The following MITF variants were observed in gnomAD, a reference collection of about 807,000 sequenced individuals.
MITF encodes melanocyte inducing transcription factor, also known as microphthalmia-associated transcription factor.
In MITF, 17 loss-of-function variants were observed where a neutral mutation model predicts 60.5. The observed-to-expected ratio is 0.28, with a 90% confidence interval of 0.19 to 0.42. The LOEUF (loss-of-function observed/expected upper bound fraction) is 0.42. MITF is among the 10% of genes least tolerant of loss of function. MITF has a pLI of 1.00. For synonymous variants in MITF, 260 were observed against 248.5 expected (o/e 1.05, Z -0.43); for missense variants, 622 against 683.5 (o/e 0.91, Z 1.00).
chr3:69,958,548 T>G (rs910611744), intron 8 of MITF, among the ~76,000 whole-genome samples: 3 of 151,532 alleles, frequency 2.0e-5, no homozygotes, highest in Non-Finnish European at 2.9e-5. Flanking sequence ...AGAGGCTAGA[T>G]AGCCTGCCCA....
At chr3:69,773,199 C>T (rs1478148940) in intron 1 of MITF, among the ~76,000 whole-genome samples, 1 of 152,154 alleles carries the variant, frequency 6.6e-6, no homozygotes, top group Admixed American at 6.6e-5. Context: ...GAGTCTACTT[C>T]AGTAACAGCA....
chr3:69,783,650 A>G (rs1333523556), intron 1 of MITF, among the ~76,000 whole-genome samples: 3 of 152,082 alleles, frequency 2.0e-5, no homozygotes, highest in African/African-American at 7.2e-5. Flanking sequence ...ACTTTATTAT[A>G]CTTATTTGCA....
intron 1 of MITF, among the ~76,000 whole-genome samples, chr3:69,815,494 T>C (rs138207822): frequency 2.0e-5 from 3 of 152,326 alleles, no homozygotes; most frequent in African/African-American, 7.2e-5. Context: ...GATTAGTAAA[T>C]ATCTTTTCTT....
chr3:69,752,708 A>T (rs1703978924), intron 1 of MITF, among the ~76,000 whole-genome samples: 2 of 152,138 alleles, frequency 1.3e-5, no homozygotes. Context: ...AAGTTTGGAA[A>T]ATTTGCAGCC....
intron 1 of MITF, among the ~76,000 whole-genome samples, chr3:69,815,682 T>C (rs2063170657): frequency 6.6e-6 from 1 of 152,180 alleles, no homozygotes; most frequent in South Asian, 2.1e-4. Flanking sequence ...AGTCAAAAGT[T>C]ATATGTGGAT....
At chr3:69,960,658 A>G (rs1453113295) in intron 9 of MITF, among the ~76,000 whole-genome samples, 1 of 152,212 alleles carries the variant, frequency 6.6e-6, no homozygotes, top group Non-Finnish European at 1.5e-5. Context: ...TTTGCCATAA[A>G]GCAAGGGTTG....
At chr3:69,789,929 A>C (rs1382880081) in intron 1 of MITF, among the ~76,000 whole-genome samples, 4 of 152,134 alleles carry the variant, frequency 2.6e-5, no homozygotes, top group South Asian at 2.1e-4. Context: ...ATATATATAT[A>C]TCCAAAAGAA....
chr3:69,909,544 C>G (rs139960137), intron 2 of MITF, among the ~76,000 whole-genome samples: 2,343 of 152,210 alleles, frequency 0.015, 28 homozygotes, highest in Middle Eastern at 0.051. Flanking sequence ...ACCTCCAAGA[C>G]ACTTGTTGAA....
At chr3:69,776,589 G>A (rs992058984) in intron 1 of MITF, among the ~76,000 whole-genome samples, 5 of 152,148 alleles carry the variant, frequency 3.3e-5, no homozygotes, top group African/African-American at 7.2e-5. Flanking sequence ...CTATATATAC[G>A]TTTGTTGCGA....
chr3:69,838,092 A>G (rs917765472), intron 1 of MITF, among the ~76,000 whole-genome samples: 32 of 152,366 alleles, frequency 2.1e-4, no homozygotes, highest in African/African-American at 7.2e-4. Flanking sequence ...AATTATTATT[A>G]TAAAAAACAA....
intron 1 of MITF, among the ~76,000 whole-genome samples, chr3:69,762,310 TCTTA>T (rs2062223360): frequency 6.6e-6 from 1 of 152,182 alleles, no homozygotes; most frequent in Admixed American, 6.5e-5. Flanking sequence ...GTAAAAGCAT[TCTTA>T]CTTTTAATTA....
At chr3:69,740,607 C>G (rs1448369855) in intron 1 of MITF, among the ~76,000 whole-genome samples, 1 of 152,192 alleles carries the variant, frequency 6.6e-6, no homozygotes, top group African/African-American at 2.4e-5. Context: ...GTCTTCCGTT[C>G]TCTCTGTCCG....
chr3:69,779,302 A>T (rs566538971), intron 1 of MITF, among the ~76,000 whole-genome samples: 1 of 152,306 alleles, frequency 6.6e-6, no homozygotes, highest in African/African-American at 2.4e-5. Flanking sequence ...AGAGCAGGAG[A>T]CAGTCTTTAC....
In MITF at chr3:69,866,543, T is replaced by G. The variant is rs796904702; in HGVS notation, c.105-12591T>G. 8.8e-3 allele frequency among the ~76,000 whole-genome samples: 60 copies of G among 6,806 alleles called. No homozygotes were observed. In the South Asian group the frequency reaches 0.11, roughly 12 times the overall value. The allele number at this position is 6,806 out of a possible 152,430, so 4.5% of individuals were successfully genotyped here. A position where few individuals can be genotyped will look rare whatever the true frequency, so the allele number is the denominator to read the frequency against. The stretch of plus-strand genomic sequence containing the variant: ...GCTATGACAAGGATAACAACTAATT[T>G]GGGGGTGGGGGTGGGGGTGGTAGAT... On this transcript the variant is annotated intron_variant, in intron 1 of 9. Coordinates refer to ENST00000352241, the MANE Select transcript of MITF (RefSeq NM_001354604.2).
rs1441188875 is a variant in MITF, at chr3:69,943,076, T to TTA, written c.762+1746_762+1747insAT. Among the ~76,000 whole-genome samples the TTA allele has an allele frequency of 1.8e-3, 271 of 150,356 alleles. 2 individuals carry two copies. Among genetic ancestry groups the TTA allele is most frequent in the African/African-American group, 6.3e-3 (261 of 41,114 alleles). On this transcript the variant is annotated intron_variant, in intron 5 of 9. Coordinates refer to ENST00000352241, the MANE Select transcript of MITF (RefSeq NM_001354604.2). The stretch of plus-strand genomic sequence containing the variant: ...TACTCAATGCATTAGCCTCCTCTTT[T>TTA]TTTTTTTTTTTTTTTTTGATACAGG...
intron 1 of MITF, among the ~76,000 whole-genome samples, chr3:69,754,698 A>G (rs1427103374): frequency 6.6e-6 from 1 of 151,642 alleles, no homozygotes; most frequent in East Asian, 1.9e-4. Flanking sequence ...ATGGACTAAT[A>G]CAGAGGCTAA....
At chr3:69,865,230 T>G (rs2064089846) in intron 1 of MITF, among the ~76,000 whole-genome samples, 1 of 152,206 alleles carries the variant, frequency 6.6e-6, no homozygotes, top group Non-Finnish European at 1.5e-5. Flanking sequence ...TGAGTTTGAT[T>G]ATGGCTGAAG....
chr3:69,822,133 A>G (rs2063285552), intron 1 of MITF, among the ~76,000 whole-genome samples: 1 of 152,228 alleles, frequency 6.6e-6, no homozygotes, highest in Admixed American at 6.5e-5. Context: ...ACAAAGGTCT[A>G]CAAACTATAA....
In MITF at chr3:69,859,273, G is replaced by A. The variant is rs1031762358; in HGVS notation, c.105-19861G>A. Among the ~76,000 whole-genome samples the A allele has an allele frequency of 2.6e-5, 4 of 152,130 alleles. No individual in the cohort carries two copies. In the South Asian group the frequency reaches 8.3e-4, roughly 32 times the overall value. On this transcript the variant is annotated intron_variant, in intron 1 of 9. Transcript: ENST00000352241. ...ATCCTTACCACATCTTATACAAATT[G>A]GAGGTTTTGCACACCAGTGACTTCC...
Sources: allele counts gnomAD v4.1 joint callset (sites outside exome capture counted in the v4.1 genomes callset), GRCh38; gene constraint gnomAD v4.1.1; transcripts MANE v1.5; gene names NCBI Gene and HGNC (gene_info 2026-07-23, HGNC 2026-07-21).